Variants in RAP1B observed in about 807,000 individuals in gnomAD.
The protein encoded by RAP1B is RAP1B, member of RAS oncogene family.
RAP1B carries 1 observed loss-of-function variant against 27.5 expected under a neutral mutation model. The observed-to-expected ratio is 0.04, with a 90% CI of 0.01 to 0.17. The LOEUF is 0.17. Among genes scored for constraint, RAP1B ranks in the 10% least tolerant of loss-of-function variants. RAP1B has a pLI of 1.00. For synonymous variants in RAP1B, 75 were observed against 73.1 expected (o/e 1.03, Z -0.13); for missense variants, 84 against 214.8 (o/e 0.39, Z 3.81).
At chr12:68,637,626 A>AC (rs1565665703) in intron 1 of RAP1B, among the ~76,000 whole-genome samples, 2 of 150,222 alleles carry the variant, frequency 1.3e-5, no homozygotes, top group African/African-American at 2.4e-5. Flanking sequence ...AAAAAAAAAA[A>AC]AACAAGATGC....
intron 1 of RAP1B, among the ~76,000 whole-genome samples, chr12:68,612,854 A>G (rs897990511): frequency 6.6e-6 from 1 of 151,860 alleles, no homozygotes; most frequent in South Asian, 2.1e-4. Context: ...TGTGCTTTTA[A>G]TGTGTACTAC....
rs1871404263 is a variant in RAP1B, at chr12:68,621,801, T to G, written c.-27+10758T>G. Among the ~76,000 whole-genome samples, 3 of 152,204 alleles carry G rather than the reference T, an allele frequency of 2.0e-5. 1 individual carries two copies. In the South Asian group the frequency reaches 6.2e-4, roughly 31 times the overall value. On this transcript the variant is annotated intron_variant, in intron 1 of 7. Coordinates refer to ENST00000250559, the MANE Select transcript of RAP1B (RefSeq NM_001010942.3). ...ATGTAGAGGATAAACTGGCATTATA[T>G]TTGAGTTAGAGATTATAGTCTTAAA...
At chr12:68,622,002 ATTTGT>A (rs1443959922) in intron 1 of RAP1B, among the ~76,000 whole-genome samples, 2 of 152,094 alleles carry the variant, frequency 1.3e-5, no homozygotes, top group Non-Finnish European at 1.5e-5. Flanking sequence ...GAACTCAGGT[ATTTGT>A]TTTAAGTAGT....
Position 68,662,450 on chromosome 12 carries a change from A to G in RAP1B, c.*3201A>G, listed in dbSNP as rs1056382791. 2 of 152,100 alleles carry G rather than the reference A, an allele frequency of 1.3e-5. No homozygotes were observed. Among genetic ancestry groups the G allele is most frequent in the Non-Finnish European group, 2.9e-5 (2 of 68,020 alleles). The allele number at this position is 152,100 out of a possible 1,614,324, so 9.4% of individuals were successfully genotyped here. A position where few individuals can be genotyped will look rare whatever the true frequency, so the allele number is the denominator to read the frequency against. On this transcript the variant is annotated 3_prime_UTR_variant, in exon 8 of 8. Coordinates refer to ENST00000250559, the MANE Select transcript of RAP1B (RefSeq NM_001010942.3). ...ATCTTTACCATATGTGGGCATTACA[A>G]ATAGAAATTTTTAAAATTCCATTTA...
intron 2 of RAP1B, 58 bp downstream of exon 2, chr12:68,648,839 G>A (rs931646580): frequency 1.1e-5 from 16 of 1,449,680 alleles, no homozygotes; most frequent in South Asian, 2.6e-5. Context: ...TTTCTGTTGA[G>A]TTTTAGGTTT....
Position 68,666,462 on chromosome 12 carries a change from G to A in RAP1B, c.*7213G>A, listed in dbSNP as rs1332814928. ...CTGAAGGTCGAAGTCCAAAATCAAA[G>A]TGTTAGGATGTACTCCTAGAGGCTC... is the stretch of plus-strand genomic sequence containing the variant. On this transcript the variant is annotated 3_prime_UTR_variant, in exon 8 of 8. Coordinates refer to ENST00000250559, the MANE Select transcript of RAP1B (RefSeq NM_001010942.3). The A allele has an allele frequency of 6.6e-6, 1 of 152,212 alleles. No individual in the cohort carries two copies. The highest frequency in any genetic ancestry group is 1.9e-4 in the East Asian group (1 of 5,188). 9.4% of individuals were successfully genotyped at this position (152,212 alleles called of 1,614,324 possible).
intron 1 of RAP1B, among the ~76,000 whole-genome samples, chr12:68,645,830 G>GT (rs779770260): frequency 5.9e-5 from 9 of 152,118 alleles, no homozygotes; most frequent in African/African-American, 1.7e-4. Context: ...GTACTGTTGG[G>GT]TTTTTTTTGT....
chr12:68,648,775 T>G lies in RAP1B; in HGVS notation c.51T>G (p.Ser17=), dbSNP rs763807894. ...TTGGCTCAGGAGGCGTTGGAAAGTC[T>G]GCTTTGGTAAGTCATTCTTACTTTA... ...VVLGSGGVGK[S]ALTVQFVQGI... The change falls in exon 2 of 8, where the codon TCT becomes TCG. Residue 17 remains serine, a synonymous_variant. Transcript: ENST00000250559. 10 of 1,611,320 alleles carry G rather than the reference T, an allele frequency of 6.2e-6. No homozygotes were observed. The highest frequency in any genetic ancestry group is 7.6e-6 in the Non-Finnish European group (9 of 1,179,248).
At chr12:68,624,038 A>C (rs546157854) in intron 1 of RAP1B, among the ~76,000 whole-genome samples, 1 of 151,920 alleles carries the variant, frequency 6.6e-6, no homozygotes, top group East Asian at 1.9e-4. Context: ...AAAAAAAAAA[A>C]AGAGAGAGAG....
chr12:68,647,545 C>G (rs977756794), intron 1 of RAP1B, among the ~76,000 whole-genome samples: 14 of 151,608 alleles, frequency 9.2e-5, no homozygotes, highest in Admixed American at 6.6e-4. Context: ...CTAAGCTATC[C>G]TGGTCAGATA....
chr12:68,664,254 G>A lies in RAP1B; in HGVS notation c.*5005G>A, dbSNP rs956116824. ...GAGATCAAAAGCCTCTAATGTTTTT[G>A]TCATCCGCCATTATTACCCATTCAA... On this transcript the variant is annotated 3_prime_UTR_variant, in exon 8 of 8. Coordinates refer to ENST00000250559, the MANE Select transcript of RAP1B (RefSeq NM_001010942.3). 2 of 152,114 alleles carry A rather than the reference G, an allele frequency of 1.3e-5. No individual in the cohort carries two copies. Among genetic ancestry groups the A allele is most frequent in the Admixed American group, 1.3e-4 (2 of 15,274 alleles). 9.4% of individuals were successfully genotyped at this position (152,114 alleles called of 1,614,324 possible). A position where few individuals can be genotyped will look rare whatever the true frequency, so the allele number is the denominator to read the frequency against.
At chr12:68,656,873 A>G (rs1351987642) in intron 6 of RAP1B, among the ~76,000 whole-genome samples, 3 of 152,210 alleles carry the variant, frequency 2.0e-5, no homozygotes, top group Non-Finnish European at 4.4e-5. Context: ...GAACTAAGTT[A>G]AGATCTCTGC....
At chr12:68,657,002 A>C in intron 6 of RAP1B, 99 bp from the exon 7 acceptor site, 1 of 1,013,016 alleles carries the variant, frequency 9.9e-7, no homozygotes, top group Non-Finnish European at 1.5e-6. Context: ...CTGGGCATTA[A>C]TTTATATCCA....
Position 68,664,012 on chromosome 12 carries a change from A to T in RAP1B, c.*4763A>T, listed in dbSNP as rs574685104. The T allele has an allele frequency of 1.2e-4, 19 of 152,314 alleles. 1 individual carries two copies. The highest frequency in any genetic ancestry group is 3.4e-3 in the Middle Eastern group (1 of 294). 9.4% of individuals were successfully genotyped at this position (152,314 alleles called of 1,614,324 possible). A position where few individuals can be genotyped will look rare whatever the true frequency, so the allele number is the denominator to read the frequency against. ...GTAATCTAATTTTTCTCATTTCTCC[A>T]AAAGGGTACGAAGACAGTTTTTACT... On this transcript the variant is annotated 3_prime_UTR_variant, in exon 8 of 8. Coordinates refer to ENST00000250559, the MANE Select transcript of RAP1B (RefSeq NM_001010942.3).
intron 1 of RAP1B, among the ~76,000 whole-genome samples, chr12:68,623,877 C>T (rs12306224): frequency 0.053 from 8,064 of 152,210 alleles, 697 homozygotes; most frequent in African/African-American, 0.18. Flanking sequence ...AAAACTTAGC[C>T]GGGCATGGTG....
intron 2 of RAP1B, chr12:68,649,814 C>G (rs1354187421): frequency 6.6e-6 from 1 of 152,234 alleles, no homozygotes; most frequent in Non-Finnish European, 1.5e-5. Context: ...CAAATTTAAG[C>G]TCTTAAGACT....
chr12:68,638,494 AC>A (rs1178796465), intron 1 of RAP1B, among the ~76,000 whole-genome samples: 3 of 152,184 alleles, frequency 2.0e-5, no homozygotes, highest in African/African-American at 7.2e-5. Context: ...ATGTTGTCTT[AC>A]GTTTATTTTC....
chr12:68,663,841 G>C lies in RAP1B; in HGVS notation c.*4592G>C, dbSNP rs1440990395. 6.6e-6 allele frequency: 1 copy of C among 151,994 alleles called. No homozygotes were observed. The highest frequency in any genetic ancestry group is 1.5e-5 in the Non-Finnish European group (1 of 68,022). The allele number at this position is 151,994 out of a possible 1,614,324, so 9.4% of individuals were successfully genotyped here. ...CAGCAGGGATTTTCTGCCCACGTGGGGAAAACACACAGCAAATGAACAAAG... is the reference window on the plus strand; with the variant it reads ...CAGCAGGGATTTTCTGCCCACGTGGCGAAAACACACAGCAAATGAACAAAG... On this transcript the variant is annotated 3_prime_UTR_variant, in exon 8 of 8. Coordinates refer to ENST00000250559, the MANE Select transcript of RAP1B (RefSeq NM_001010942.3).
At position 68,662,660 on chromosome 12, in the gene RAP1B, T is replaced by C. The variant is rs7968328; in HGVS notation, c.*3411T>C. ...ATCTTGGAAATGTAAAAGGGAGTTATAGTGTTTTACAATTAATACTCTTAC... is the reference window on the plus strand; with the variant it reads ...ATCTTGGAAATGTAAAAGGGAGTTACAGTGTTTTACAATTAATACTCTTAC... On this transcript the variant is annotated 3_prime_UTR_variant, in exon 8 of 8. Transcript: ENST00000250559. 1.0e-3 allele frequency: 159 copies of C among 152,306 alleles called. No individual in the cohort carries two copies. The highest frequency in any genetic ancestry group is 3.6e-3 in the African/African-American group (150 of 41,568). The allele number at this position is 152,306 out of a possible 1,614,324, so 9.4% of individuals were successfully genotyped here.
Sources: gnomAD v4.1 joint callset for allele counts (sites outside exome capture counted in the v4.1 genomes callset) on GRCh38, gnomAD v4.1.1 for gene constraint, MANE v1.5 for transcripts, NCBI Gene and HGNC (gene_info 2026-07-23, HGNC 2026-07-21) for gene names.